MMP16: variants seen among roughly 807,000 people sequenced by gnomAD.
MMP16 encodes the protein matrix metallopeptidase 16.
Under a neutral mutation model 67.8 loss-of-function variants are expected in MMP16, and 12 were observed. The ratio of observed to expected loss-of-function variants is 0.18; its 90% CI spans 0.11 to 0.29. The LOEUF (loss-of-function observed/expected upper bound fraction) is 0.29, where lower values mean the gene tolerates loss of function less well. MMP16 is among the 10% of genes least tolerant of loss of function. MMP16 has a pLI of 1.00. For synonymous variants in MMP16, 249 were observed against 255.9 expected (o/e 0.97, Z 0.26); for missense variants, 475 against 765.7 (o/e 0.62, Z 4.48).
chr8:88,188,845 G>A (rs967142920), intron 2 of MMP16, among the ~76,000 whole-genome samples: 12 of 152,160 alleles, frequency 7.9e-5, no homozygotes, highest in African/African-American at 2.9e-4. Flanking sequence ...AGTAGAGACA[G>A]GGTTTCTTCG....
At chr8:88,291,868 G>C (rs556434278) in intron 1 of MMP16, among the ~76,000 whole-genome samples, 1 of 152,166 alleles carries the variant, frequency 6.6e-6, no homozygotes, top group South Asian at 2.1e-4. Flanking sequence ...TTAATGACTT[G>C]ATATTCACTA....
chr8:88,191,495 G>A (rs78750393), intron 2 of MMP16, among the ~76,000 whole-genome samples: 2,810 of 152,164 alleles, frequency 0.018, 36 homozygotes, highest in South Asian at 0.036. Flanking sequence ...CAGCAGCAGC[G>A]TACAAATATT....
chr8:88,196,628 C>T (rs1809261205), intron 2 of MMP16, among the ~76,000 whole-genome samples: 2 of 152,112 alleles, frequency 1.3e-5, no homozygotes, highest in South Asian at 4.1e-4. Context: ...CCAGTGAAAC[C>T]TATCTTTGAT....
At chr8:88,195,036 C>A (rs2176771) in intron 2 of MMP16, among the ~76,000 whole-genome samples, 97,699 of 151,926 alleles carry the variant, frequency 0.64, 33,594 homozygotes, top group Non-Finnish European at 0.79. Flanking sequence ...TCTGTGCCCC[C>A]AAAAAGGCCT....
chr8:88,047,758 G>T (rs1808216942), intron 8 of MMP16, among the ~76,000 whole-genome samples: 1 of 152,152 alleles, frequency 6.6e-6, no homozygotes, highest in Admixed American at 6.6e-5. Context: ...AGAGAGATGA[G>T]AAATCATATA....
chr8:88,060,438 T>G (rs1448221497), intron 7 of MMP16, among the ~76,000 whole-genome samples: 1 of 152,108 alleles, frequency 6.6e-6, no homozygotes, highest in Non-Finnish European at 1.5e-5. Flanking sequence ...CTCTTTTGTT[T>G]AAAAATTTCA....
At chr8:88,187,458 C>T (rs1809093569) in intron 2 of MMP16, among the ~76,000 whole-genome samples, 1 of 152,044 alleles carries the variant, frequency 6.6e-6, no homozygotes, top group Non-Finnish European at 1.5e-5. Context: ...AGTGACTTTG[C>T]TGTTTATTAG....
chr8:88,168,690 T>TC (rs1808754140), intron 3 of MMP16, among the ~76,000 whole-genome samples: 1 of 152,170 alleles, frequency 6.6e-6, no homozygotes, highest in African/African-American at 2.4e-5. Flanking sequence ...TTTATTTTTT[T>TC]CTCAGCTTTT....
At chr8:88,078,788 C>A (rs183867227) in intron 6 of MMP16, among the ~76,000 whole-genome samples, 18 of 152,340 alleles carry the variant, frequency 1.2e-4, no homozygotes, top group East Asian at 1.2e-3. Context: ...CAACAACTTT[C>A]CATAAATCTA....
intron 4 of MMP16, among the ~76,000 whole-genome samples, chr8:88,158,858 G>A (rs1401528324): frequency 2.0e-5 from 3 of 152,110 alleles, no homozygotes; most frequent in Non-Finnish European, 2.9e-5. Context: ...TGTAAGGAAG[G>A]GATCCAGTTT....
At chr8:88,164,375 T>C (rs780969518) in intron 4 of MMP16, among the ~76,000 whole-genome samples, 2 of 151,946 alleles carry the variant, frequency 1.3e-5, no homozygotes, top group Non-Finnish European at 2.9e-5. Flanking sequence ...ACAAAAATAG[T>C]TTCACACATA....
intron 1 of MMP16, among the ~76,000 whole-genome samples, chr8:88,293,026 C>T (rs780555583): frequency 2.0e-5 from 3 of 152,146 alleles, no homozygotes; most frequent in Non-Finnish European, 1.5e-5. Context: ...ATCCACTTAA[C>T]GCTCTAGAGT....
intron 1 of MMP16, among the ~76,000 whole-genome samples, chr8:88,301,802 T>C (rs563225347): frequency 6.6e-6 from 1 of 152,360 alleles, no homozygotes; most frequent in East Asian, 1.9e-4. Flanking sequence ...TATCCTAATA[T>C]TCACTTTTGC....
chr8:88,111,329 G>C (rs544175826), intron 6 of MMP16, among the ~76,000 whole-genome samples: 1 of 151,838 alleles, frequency 6.6e-6, no homozygotes, highest in South Asian at 2.1e-4. Context: ...ATGCAGACCT[G>C]TGAAACGACA....
rs183748817 is a variant in MMP16, at chr8:88,304,610, C to T, written c.132+22465G>A. On this transcript the variant is annotated intron_variant, in intron 1 of 9. Coordinates refer to ENST00000286614, the MANE Select transcript of MMP16 (RefSeq NM_005941.5). ...TAACAGCAGGCCTCTTAGTGGAAAC[C>T]CTACAAGGCAGAAGAGATTGGGGGC... Among the ~76,000 whole-genome samples the T allele has an allele frequency of 1.6e-3, 246 of 152,292 alleles. 3 individuals carry two copies. The highest frequency in any genetic ancestry group is 1.3e-4 in the Non-Finnish European group (9 of 68,016).
chr8:88,210,580 G>T (rs931346121), intron 1 of MMP16, among the ~76,000 whole-genome samples: 1 of 152,110 alleles, frequency 6.6e-6, no homozygotes, highest in Non-Finnish European at 1.5e-5. Flanking sequence ...AGGAAGTCCA[G>T]TGCTCCAAAG....
intron 6 of MMP16, among the ~76,000 whole-genome samples, chr8:88,083,066 C>G (rs1229536239): frequency 6.6e-6 from 1 of 151,600 alleles, no homozygotes; most frequent in Non-Finnish European, 1.5e-5. Context: ...AAATTTAAAA[C>G]TATTATAAGA....
intron 4 of MMP16, among the ~76,000 whole-genome samples, chr8:88,135,266 A>C (rs1808099639): frequency 6.6e-6 from 1 of 151,828 alleles, no homozygotes; most frequent in Non-Finnish European, 1.5e-5. Flanking sequence ...TCAAAAATAC[A>C]AATAGCTAAA....
chr8:88,082,354 A>G (rs1299195488), intron 6 of MMP16, among the ~76,000 whole-genome samples: 1 of 152,174 alleles, frequency 6.6e-6, no homozygotes, highest in Non-Finnish European at 1.5e-5. Flanking sequence ...GTGGAAATCA[A>G]TATGGCAACA....
Sources: gnomAD v4.1 joint callset for allele counts (sites outside exome capture counted in the v4.1 genomes callset) on GRCh38, gnomAD v4.1.1 for gene constraint, MANE v1.5 for transcripts, NCBI Gene and HGNC (gene_info 2026-07-23, HGNC 2026-07-21) for gene names.